Variants in CHUK observed in about 807,000 individuals in gnomAD.
The protein encoded by CHUK is component of inhibitor of nuclear factor kappa B kinase complex.
CHUK carries 35 observed loss-of-function variants against 104.8 expected under a neutral mutation model. The ratio of observed to expected loss-of-function variants is 0.33; its 90% confidence interval spans 0.26 to 0.44. The LOEUF is 0.44. Ranked by LOEUF, CHUK falls within the 20% of genes least tolerant of loss-of-function variation. The probability of loss-of-function intolerance (pLI) is 1.00; values close to 1 mark genes in which losing one functional copy is unlikely to be tolerated. For synonymous variants in CHUK, 276 were observed against 291.9 expected, an observed-to-expected ratio of 0.95 and a Z score of 0.56; for missense variants, 663 against 902.7, an observed-to-expected ratio of 0.73 and a Z score of 3.40.
At chr10:100,203,813 T>C (rs542913418) in intron 13 of CHUK, among the ~76,000 whole-genome samples, 1 of 152,178 alleles carries the variant, frequency 6.6e-6, no homozygotes, top group Non-Finnish European at 1.5e-5. Flanking sequence ...TTTGTGTCAT[T>C]ATTTACAGAA....
chr10:100,216,120 C>T (rs532324647), intron 9 of CHUK, among the ~76,000 whole-genome samples: 1 of 152,236 alleles, frequency 6.6e-6, no homozygotes, highest in Admixed American at 6.5e-5. Flanking sequence ...CTATAAACTC[C>T]ATAATGTGGA....
intron 9 of CHUK, among the ~76,000 whole-genome samples, chr10:100,211,797 A>G (rs1845734200): frequency 6.6e-6 from 1 of 152,138 alleles, no homozygotes; most frequent in Non-Finnish European, 1.5e-5. Flanking sequence ...TGAACATGGG[A>G]GTGCAAATAT....
chr10:100,222,017 T>C, intron 4 of CHUK, 95 bp downstream of exon 4: 2 of 699,972 alleles, frequency 2.9e-6, no homozygotes, highest in South Asian at 1.5e-5. Context: ...ATAGACTTTG[T>C]ATAGTGTATC....
intron 10 of CHUK, 131 bp downstream of exon 10, chr10:100,209,464 G>A: frequency 2.9e-6 from 2 of 684,608 alleles, no homozygotes; most frequent in Non-Finnish European, 2.7e-6. Flanking sequence ...AATGATAAGA[G>A]TTGGGAGAAG....
intron 11 of CHUK, among the ~76,000 whole-genome samples, chr10:100,206,251 ACT>A (rs148985785): frequency 0.043 from 6,512 of 151,864 alleles, 198 homozygotes; most frequent in Middle Eastern, 0.18. Context: ...ATTTTTTTTT[ACT>A]TTTTAATATT....
At chr10:100,208,488 T>TCACCA (rs1845642980) in intron 10 of CHUK, among the ~76,000 whole-genome samples, 1 of 151,548 alleles carries the variant, frequency 6.6e-6, no homozygotes, top group Non-Finnish European at 1.5e-5. Context: ...CACGACTGAG[T>TCACCA]GGTGAAGTTA....
chr10:100,186,465 G>A (rs1446001873), downstream of CHUK: 2 of 159,282 alleles, frequency 1.3e-5, no homozygotes, highest in South Asian at 2.0e-4. Context: ...AGAAGAGGAA[G>A]ATATTAGATA....
chr10:100,210,824 G>C (rs910349537), intron 9 of CHUK, among the ~76,000 whole-genome samples: 2 of 152,218 alleles, frequency 1.3e-5, no homozygotes, highest in Non-Finnish European at 2.9e-5. Flanking sequence ...AAAGTAGCCT[G>C]ATACATGCCA....
At chr10:100,202,780 T>C (rs1004264560) in intron 13 of CHUK, among the ~76,000 whole-genome samples, 1 of 152,100 alleles carries the variant, frequency 6.6e-6, no homozygotes, top group Non-Finnish European at 1.5e-5. Context: ...AAATTTTTTT[T>C]TGAGGTAGAG....
intron 1 of CHUK, among the ~76,000 whole-genome samples, chr10:100,226,299 T>C (rs17881248): frequency 6.6e-6 from 1 of 151,980 alleles, no homozygotes; most frequent in Non-Finnish European, 1.5e-5. Context: ...TATATAATGT[T>C]AGAAAAAAAA....
At chr10:100,218,398 T>G (rs1845910693) in intron 8 of CHUK, among the ~76,000 whole-genome samples, 1 of 152,240 alleles carries the variant, frequency 6.6e-6, no homozygotes, top group Non-Finnish European at 1.5e-5. Flanking sequence ...TACTTCATTA[T>G]CCTAAGAGCC....
chr10:100,228,993 G>GCGCACACACACA lies in CHUK; in HGVS notation c.105+434_105+435insTGTGTGTGTGCG, dbSNP rs764914118. 7.7e-4 allele frequency among the ~76,000 whole-genome samples: 103 copies of GCGCACACACACA among 133,554 alleles called. 2 individuals carry two copies. The highest frequency in any genetic ancestry group is 9.2e-4 in the East Asian group (4 of 4,338). 87.6% of individuals were successfully genotyped at this position (133,554 alleles called of 152,430 possible). ...GGCCTCCAAGCGCGCGCGCGCGCGC[G>GCGCACACACACA]CACACACACACACACACACACACAC... On this transcript the variant is annotated intron_variant, in intron 1 of 20. Transcript: ENST00000370397.
Position 100,222,140 on chromosome 10 carries a change from GCTTT to G in CHUK, c.353_356del (p.Glu118AlafsTer7). 1.3e-6 allele frequency: 2 copies of G among 1,592,250 alleles called. No homozygotes were observed. Among genetic ancestry groups the G allele is most frequent in the Non-Finnish European group, 8.6e-7 (1 of 1,161,480 alleles). On this transcript the variant is annotated frameshift_variant, in exon 4 of 21. Transcript: ENST00000370397. LOFTEE classifies it high-confidence loss of function. ...TATCACTTAGTAAAGAAAGTATCTG[GCTTT>G]CTTTAAGTCCACAACAATTTTCTGG...
chr10:100,223,584 G>T (rs1172721113), intron 2 of CHUK, among the ~76,000 whole-genome samples: 1 of 151,756 alleles, frequency 6.6e-6, no homozygotes, highest in African/African-American at 2.4e-5. Flanking sequence ...TCAAGCCTGG[G>T]TAACATAGCA....
chr10:100,189,833 TC>T (rs1323795601), intron 20 of CHUK, among the ~76,000 whole-genome samples: 7 of 148,424 alleles, frequency 4.7e-5, no homozygotes, highest in African/African-American at 7.6e-5. Context: ...CCTTTTCTTT[TC>T]TTTTTTTTTT....
intron 10 of CHUK, among the ~76,000 whole-genome samples, chr10:100,207,684 A>G (rs1027114584): frequency 6.6e-6 from 1 of 152,356 alleles, no homozygotes; most frequent in South Asian, 2.1e-4. Flanking sequence ...ACAAGACTAT[A>G]TATTACATAA....
At chr10:100,221,868 C>T (rs958947889) in intron 4 of CHUK, among the ~76,000 whole-genome samples, 1 of 152,200 alleles carries the variant, frequency 6.6e-6, no homozygotes, top group African/African-American at 2.4e-5. Flanking sequence ...GAACTCCTGA[C>T]CTTGTGATCC....
intron 9 of CHUK, among the ~76,000 whole-genome samples, chr10:100,216,475 A>G (rs1845858097): frequency 6.6e-6 from 1 of 152,192 alleles, no homozygotes; most frequent in African/African-American, 2.4e-5. Flanking sequence ...AAGTCGAGGT[A>G]GGAGGATTAC....
At chr10:100,209,532 T>A in intron 10 of CHUK, 63 bp downstream of exon 10, 1 of 1,032,894 alleles carries the variant, frequency 9.7e-7, no homozygotes, top group Non-Finnish European at 1.5e-6. Context: ...GCATAAAAAT[T>A]GCAGGGCACG....
Sources: allele counts gnomAD v4.1 joint callset (sites outside exome capture counted in the v4.1 genomes callset), GRCh38; gene constraint gnomAD v4.1.1; transcripts MANE v1.5; gene names NCBI Gene and HGNC (gene_info 2026-07-23, HGNC 2026-07-21).